FBN1: variants seen among roughly 807,000 people sequenced by gnomAD.
The protein encoded by FBN1 is fibrillin-1.
A neutral mutation model predicts 365.1 loss-of-function variants in FBN1; 29 were observed. That is an observed-to-expected ratio of 0.08 (90% CI 0.06 to 0.11). FBN1 has a LOEUF of 0.11. FBN1 is among the 10% of genes least tolerant of loss of function. The probability of loss-of-function intolerance (pLI) is 1.00; values close to 1 mark genes in which losing one functional copy is unlikely to be tolerated. For missense variants in FBN1, 2,476 were observed against 3,703.2 expected (o/e 0.67, Z 8.60); for synonymous variants, 1,210 against 1,270.5 (o/e 0.95, Z 1.01).
At chr15:48,593,736 G>A (rs1257003452) in intron 6 of FBN1, among the ~76,000 whole-genome samples, 2 of 152,128 alleles carry the variant, frequency 1.3e-5, no homozygotes, top group Non-Finnish European at 2.9e-5. Context: ...AACTATAGTT[G>A]CTCCTGAAAA....
At chr15:48,620,506 T>C (rs1263346562) in intron 2 of FBN1, among the ~76,000 whole-genome samples, 3 of 152,222 alleles carry the variant, frequency 2.0e-5, no homozygotes, top group Non-Finnish European at 4.4e-5. Flanking sequence ...CATATGTTAA[T>C]AAACTGGGGA....
At chr15:48,518,873 T>C (rs1295748957) in intron 10 of FBN1, among the ~76,000 whole-genome samples, 1 of 152,208 alleles carries the variant, frequency 6.6e-6, no homozygotes, top group Non-Finnish European at 1.5e-5. Context: ...CAAGTTATTT[T>C]GCTCTATAAA....
intron 27 of FBN1, 51 bp from the exon 28 acceptor site, chr15:48,487,488 C>A: frequency 6.2e-7 from 1 of 1,607,830 alleles, no homozygotes; most frequent in Non-Finnish European, 8.5e-7. Context: ...TCTCCTCCAC[C>A]AGACCAAGCA....
chr15:48,588,883 T>TC (rs909859732), intron 6 of FBN1, among the ~76,000 whole-genome samples: 1 of 152,082 alleles, frequency 6.6e-6, no homozygotes, highest in African/African-American at 2.4e-5. Context: ...ATGATACCTA[T>TC]CCCCAGAAGT....
At chr15:48,429,456 A>G (rs1391097656) in intron 56 of FBN1, among the ~76,000 whole-genome samples, 3 of 152,356 alleles carry the variant, frequency 2.0e-5, no homozygotes, top group Non-Finnish European at 2.9e-5. Flanking sequence ...AGAAAGATCA[A>G]AAATAATTTG....
chr15:48,583,875 T>C (rs536182726), intron 6 of FBN1, among the ~76,000 whole-genome samples: 116 of 152,322 alleles, frequency 7.6e-4, no homozygotes, highest in Admixed American at 1.6e-3. Flanking sequence ...AAGCACACGG[T>C]TGATGTGCTT....
intron 6 of FBN1, among the ~76,000 whole-genome samples, chr15:48,562,510 G>A (rs902076801): frequency 3.3e-5 from 5 of 152,156 alleles, no homozygotes; most frequent in African/African-American, 9.7e-5. Flanking sequence ...TTTAGGTGTC[G>A]CCATCAGCAA....
At chr15:48,600,509 G>C (rs1243162508) in intron 4 of FBN1, among the ~76,000 whole-genome samples, 1 of 152,176 alleles carries the variant, frequency 6.6e-6, no homozygotes, top group East Asian at 1.9e-4. Context: ...TTTGAGACCA[G>C]CCTGGCCAAC....
intron 22 of FBN1, 95 bp from the exon 23 acceptor site, chr15:48,494,349 T>A: frequency 4.3e-6 from 4 of 922,192 alleles, no homozygotes; most frequent in Non-Finnish European, 7.1e-6. Context: ...ACATGAAAGA[T>A]GACCTGGAAC....
Position 48,486,083 on chromosome 15 carries a change from C to G in FBN1, c.3590-587G>C, listed in dbSNP as rs1238007781. On this transcript the variant is annotated intron_variant, in intron 29 of 65. Coordinates refer to ENST00000316623, the MANE Select transcript of FBN1 (RefSeq NM_000138.5). ...AAATGATTACACTGTGGCCAGGAGACAGATGAACAATTAATTGCACCATGC... is the reference window on the plus strand; with the variant it reads ...AAATGATTACACTGTGGCCAGGAGAGAGATGAACAATTAATTGCACCATGC... 2.6e-5 allele frequency among the ~76,000 whole-genome samples: 4 copies of G among 152,272 alleles called. No individual in the cohort carries two copies. In the South Asian group the frequency reaches 8.3e-4, roughly 32 times the overall value.
At position 48,516,382 on chromosome 15, in the gene FBN1, C is replaced by G. The variant is rs1024489020; in HGVS notation, c.1148-20G>C. 4 of 1,611,720 alleles carry G rather than the reference C, an allele frequency of 2.5e-6. No homozygotes were observed. The African/African-American group carries it at 4.0e-5, about 16-fold the overall frequency. On this transcript the variant is annotated intron_variant, in intron 10 of 65. Coordinates refer to ENST00000316623, the MANE Select transcript of FBN1 (RefSeq NM_000138.5). ...AATCCTCTAGAAAAACACAACAAAACAAAACACAACAGCTGAGCTGTAGCT... is the reference window on the plus strand; with the variant it reads ...AATCCTCTAGAAAAACACAACAAAAGAAAACACAACAGCTGAGCTGTAGCT...
chr15:48,430,864 T>A, intron 55 of FBN1, 62 bp from the exon 56 acceptor site: 2 of 1,546,084 alleles, frequency 1.3e-6, no homozygotes, highest in Non-Finnish European at 1.8e-6. Context: ...CTTAATTACC[T>A]GACTTTTAAA....
chr15:48,598,714 A>G (rs1404540693), intron 5 of FBN1, among the ~76,000 whole-genome samples: 1 of 152,102 alleles, frequency 6.6e-6, no homozygotes, highest in East Asian at 1.9e-4. Context: ...CCCAAGGATC[A>G]CCCACACTGC....
At chr15:48,425,532 T>C in intron 59 of FBN1, 41 bp from the exon 60 acceptor site, 1 of 1,613,618 alleles carries the variant, frequency 6.2e-7, no homozygotes, top group Non-Finnish European at 8.5e-7. Context: ...CATCTAAAAA[T>C]GATGTGTACA....
At chr15:48,420,879 A>T (rs1428300648) in intron 62 of FBN1, 73 bp from the exon 63 acceptor site, 19 of 1,564,004 alleles carry the variant, frequency 1.2e-5, no homozygotes, top group Non-Finnish European at 1.6e-5. Context: ...TCTAATAAGA[A>T]ATCTGGCCCC....
chr15:48,475,369 T>C (rs2043410936), intron 32 of FBN1, among the ~76,000 whole-genome samples: 1 of 152,174 alleles, frequency 6.6e-6, no homozygotes. Flanking sequence ...TAGGGTCACA[T>C]TACTAAAAGA....
intron 5 of FBN1, among the ~76,000 whole-genome samples, chr15:48,598,909 G>T (rs1025963473): frequency 6.6e-6 from 1 of 152,186 alleles, no homozygotes; most frequent in Non-Finnish European, 1.5e-5. Context: ...TTCCCATGCT[G>T]TTCCCATAAC....
At chr15:48,445,592 T>C in intron 47 of FBN1, 88 bp from the exon 48 acceptor site, 1 of 1,466,564 alleles carries the variant, frequency 6.8e-7, no homozygotes, top group Non-Finnish European at 9.5e-7. Flanking sequence ...GAAAAAATAC[T>C]TTTTCTGAAT....
chr15:48,560,260 A>T (rs1057477276), intron 6 of FBN1, among the ~76,000 whole-genome samples: 14 of 152,200 alleles, frequency 9.2e-5, no homozygotes, highest in Non-Finnish European at 2.1e-4. Context: ...AGATAGCAAT[A>T]AAAATAACAA....
Sources: gnomAD v4.1 joint callset for allele counts (sites outside exome capture counted in the v4.1 genomes callset) on GRCh38, gnomAD v4.1.1 for gene constraint, MANE v1.5 for transcripts, NCBI Gene and HGNC (gene_info 2026-07-23, HGNC 2026-07-21) for gene names.